DNM3: variants seen among roughly 807,000 people sequenced by gnomAD.
The protein encoded by DNM3 is dynamin-3.
DNM3 carries 47 observed loss-of-function variants against 101.6 expected under a neutral mutation model. That is an observed-to-expected ratio of 0.46 (90% CI 0.37 to 0.59). The LOEUF is 0.59. DNM3 is among the 20% of genes least tolerant of loss of function. The pLI, the probability that DNM3 is intolerant of heterozygous loss-of-function variation, is 0.00. For synonymous variants in DNM3, 385 were observed against 387.9 expected, an observed-to-expected ratio of 0.99 and a Z score of 0.09; for missense variants, 849 against 1,085.7, an observed-to-expected ratio of 0.78 and a Z score of 3.06.
chr1:172,366,754 C>T (rs1401497057), intron 17 of DNM3: 1 of 151,662 alleles, frequency 6.6e-6, no homozygotes, highest in Non-Finnish European at 1.5e-5. Context: ...TTGAGAGATT[C>T]AGCAATAGAC....
At chr1:171,957,654 C>T (rs565560898) in intron 2 of DNM3, among the ~76,000 whole-genome samples, 1 of 152,282 alleles carries the variant, frequency 6.6e-6, no homozygotes, top group South Asian at 2.1e-4. Context: ...CCTAAATCAT[C>T]TCTCTCAAGT....
intron 3 of DNM3, 54 bp from the exon 4 acceptor site, chr1:171,988,891 G>A: frequency 1.4e-6 from 2 of 1,453,424 alleles, no homozygotes; most frequent in African/African-American, 1.4e-5. Context: ...ATTCTGTATT[G>A]TTATCTTTTA....
At chr1:172,113,718 T>C (rs949980845) in intron 13 of DNM3, among the ~76,000 whole-genome samples, 1 of 151,402 alleles carries the variant, frequency 6.6e-6, no homozygotes, top group Non-Finnish European at 1.5e-5. Context: ...TTGACAAAAG[T>C]GCCCAAAGCG....
At chr1:171,884,253 G>A (rs1213924135) in intron 1 of DNM3, among the ~76,000 whole-genome samples, 1 of 152,182 alleles carries the variant, frequency 6.6e-6, no homozygotes, top group African/African-American at 2.4e-5. Context: ...AAAAGGAAAG[G>A]TTGGTTAAGT....
chr1:172,104,345 A>G (rs150232591), intron 13 of DNM3, among the ~76,000 whole-genome samples: 70 of 151,844 alleles, frequency 4.6e-4, no homozygotes, highest in Non-Finnish European at 9.7e-4. Context: ...TAGCTATTTA[A>G]ATTTTTGTTT....
chr1:172,133,498 G>A lies in DNM3; in HGVS notation c.1659+2210G>A, dbSNP rs2057051845. ...GTGGAAATGACCCTTGAAATAAATG[G>A]AATTATTTAGATGAAGAAATTCTAG... is the stretch of plus-strand genomic sequence containing the variant. On this transcript the variant is annotated intron_variant, in intron 14 of 20. Coordinates refer to ENST00000627582, the MANE Select transcript of DNM3 (RefSeq NM_015569.5). 2.2e-5 allele frequency: 19 copies of A among 868,906 alleles called. 1 individual carries two copies. The South Asian group carries it at 7.9e-4, about 36-fold the overall frequency. The allele number at this position is 868,906 out of a possible 1,614,324, so 53.8% of individuals were successfully genotyped here.
chr1:172,084,956 A>G (rs1460189699), intron 12 of DNM3, among the ~76,000 whole-genome samples: 3 of 152,200 alleles, frequency 2.0e-5, no homozygotes, highest in Admixed American at 2.0e-4. Flanking sequence ...CTTTCAGAGT[A>G]GCATTCAGGA....
intron 12 of DNM3, among the ~76,000 whole-genome samples, chr1:172,086,464 A>T: frequency 6.6e-6 from 1 of 152,222 alleles, no homozygotes; most frequent in East Asian, 1.9e-4. Context: ...TTCTGAGATG[A>T]TGGAACTATT....
At chr1:172,265,092 G>A (rs1429641893) in intron 15 of DNM3, among the ~76,000 whole-genome samples, 1 of 152,106 alleles carries the variant, frequency 6.6e-6, no homozygotes, top group African/African-American at 2.4e-5. Context: ...TCCTGCTACA[G>A]TTCCTGACAA....
At chr1:172,007,514 TA>T (rs892798296) in intron 4 of DNM3, among the ~76,000 whole-genome samples, 1 of 152,098 alleles carries the variant, frequency 6.6e-6, no homozygotes, top group African/African-American at 2.4e-5. Flanking sequence ...AGTAATGAGT[TA>T]AAAATATTTC....
At chr1:172,006,705 A>T (rs987212743) in intron 4 of DNM3, among the ~76,000 whole-genome samples, 1 of 152,014 alleles carries the variant, frequency 6.6e-6, no homozygotes, top group Admixed American at 6.6e-5. Context: ...GGAAGTATGC[A>T]TTCTAAGTGT....
chr1:172,276,650 A>G (rs1271245092), intron 15 of DNM3, among the ~76,000 whole-genome samples: 1 of 151,150 alleles, frequency 6.6e-6, no homozygotes, highest in Non-Finnish European at 1.5e-5. Flanking sequence ...ACCAGTCTTG[A>G]GTGTGATACC....
chr1:172,215,526 C>A (rs1302095893), intron 14 of DNM3, among the ~76,000 whole-genome samples: 1 of 151,506 alleles, frequency 6.6e-6, no homozygotes, highest in African/African-American at 2.4e-5. Flanking sequence ...AAGGAGCAAT[C>A]CAAAGGTTGA....
At chr1:171,846,111 A>G (rs1309621863) in intron 1 of DNM3, among the ~76,000 whole-genome samples, 2 of 152,184 alleles carry the variant, frequency 1.3e-5, no homozygotes, top group African/African-American at 4.8e-5. Flanking sequence ...CATAGTTCCC[A>G]AGGTCTATAA....
chr1:172,408,114 C>G lies in DNM3; in HGVS notation c.*273C>G, dbSNP rs2071022519. ...GCCCTATACTTTGGGGATCATTTGC[C>G]TACCATGGCATATATTTGAAATTGC... On this transcript the variant is annotated 3_prime_UTR_variant, in exon 21 of 21. Coordinates refer to ENST00000627582, the MANE Select transcript of DNM3 (RefSeq NM_015569.5). 1 of 1,224,904 alleles carries G rather than the reference C, an allele frequency of 8.2e-7. No individual in the cohort carries two copies. Among genetic ancestry groups the G allele is most frequent in the East Asian group, 3.4e-5 (1 of 29,324 alleles). The allele number at this position is 1,224,904 out of a possible 1,614,324, so 75.9% of individuals were successfully genotyped here. A position where few individuals can be genotyped will look rare whatever the true frequency, so the allele number is the denominator to read the frequency against.
intron 1 of DNM3, among the ~76,000 whole-genome samples, chr1:171,843,331 A>G (rs183145900): frequency 6.6e-6 from 1 of 152,094 alleles, no homozygotes; most frequent in Admixed American, 6.5e-5. Context: ...TGCCTACGTC[A>G]TCTTAGACTT....
intron 14 of DNM3, among the ~76,000 whole-genome samples, 154 bp downstream of exon 14, chr1:172,131,442 T>C (rs778793779): frequency 3.3e-5 from 5 of 152,218 alleles, no homozygotes; most frequent in Non-Finnish European, 7.4e-5. Flanking sequence ...TATTATTTTC[T>C]TATAGATTTT....
intron 16 of DNM3, among the ~76,000 whole-genome samples, chr1:172,312,515 A>C (rs2065125181): frequency 6.6e-6 from 1 of 152,134 alleles, no homozygotes; most frequent in African/African-American, 2.4e-5. Flanking sequence ...ATACATTCTC[A>C]CTATATATTT....
intron 17 of DNM3, among the ~76,000 whole-genome samples, chr1:172,366,224 TCTAAAAAAA>T (rs1489339717): frequency 1.3e-5 from 2 of 151,862 alleles, no homozygotes; most frequent in African/African-American, 4.8e-5. Flanking sequence ...AGGCCCTTTT[TCTAAAAAAA>T]GTAAAAAATG....
Sources: allele counts gnomAD v4.1 joint callset (sites outside exome capture counted in the v4.1 genomes callset), GRCh38; gene constraint gnomAD v4.1.1; transcripts MANE v1.5; gene names NCBI Gene and HGNC (gene_info 2026-07-23, HGNC 2026-07-21).